Variants in DLG4 observed in about 807,000 individuals in gnomAD.
The protein encoded by DLG4 is disks large homolog 4.
DLG4 carries 7 observed loss-of-function variants against 93.8 expected under a neutral mutation model. That is an observed-to-expected ratio of 0.07 (90% confidence interval 0.04 to 0.14). DLG4 has a LOEUF of 0.14. DLG4 is among the 10% of genes least tolerant of loss of function. The pLI is 1.00. For synonymous variants in DLG4, 341 were observed against 387.6 expected, an observed-to-expected ratio of 0.88 and a Z score of 1.41; for missense variants, 545 against 992.9, an observed-to-expected ratio of 0.55 and a Z score of 6.06.
In DLG4 at chr17:7,208,379, C is replaced by T. The variant is rs189266522; in HGVS notation, c.31-140G>A. On this transcript the variant is annotated intron_variant, in intron 1 of 19. Coordinates refer to ENST00000399506, the MANE Select transcript of DLG4 (RefSeq NM_001321075.3). The surrounding 1 kb of genome is among the most constrained non-coding windows in gnomAD (Gnocchi z 5.4). ...CTGACCAGCTCCTCCCCCTCCCTCT[C>T]CTCTAGCCCATTGGCTCCCCTCTCT... 3.5e-3 allele frequency: 2,426 copies of T among 694,438 alleles called. 12 individuals are homozygous for T. Among genetic ancestry groups the T allele is most frequent in the Middle Eastern group, 9.0e-3 (19 of 2,118 alleles). The allele number at this position is 694,438 out of a possible 1,614,324, so 43.0% of individuals were successfully genotyped here. A position where few individuals can be genotyped will look rare whatever the true frequency, so the allele number is the denominator to read the frequency against.
chr17:7,190,739 T>A lies in DLG4; in HGVS notation c.2144A>T (p.Tyr715Phe). The change falls in exon 20 of 20, where the codon TAC (tyrosine) becomes TTC (phenylalanine). Residue 715 changes from tyrosine to phenylalanine, a missense_variant. This residue lies in a region of DLG4 where 428 missense variants were observed against 741.4 expected (regional missense o/e 0.58). Transcript: ENST00000399506. Reference sequence around the variant, plus strand: ...TCTCTCTCGGGCTGGAACCCAGATGTAGGGGCCTGAGAGGTCCTCGATGAC... The same window carrying A: ...TCTCTCTCGGGCTGGAACCCAGATGAAGGGGCCTGAGAGGTCCTCGATGAC... ...KRVIEDLSGPYIWVPARERL is the reference protein window; with the variant it reads ...KRVIEDLSGPFIWVPARERL The A allele has an allele frequency of 6.2e-7, 1 of 1,613,696 alleles. No homozygotes were observed. Among genetic ancestry groups the A allele is most frequent in the Non-Finnish European group, 8.5e-7 (1 of 1,179,732 alleles).
rs72837699 is a variant in DLG4 at position 7,208,931 on chromosome 17, C to G, written c.31-692G>C. Among the ~76,000 whole-genome samples, 7,938 of 152,072 alleles carry G rather than the reference C, an allele frequency of 0.052. 303 individuals are homozygous for G. Among genetic ancestry groups the G allele is most frequent in the Non-Finnish European group, 0.081 (5,527 of 67,968 alleles). On this transcript the variant is annotated intron_variant, in intron 1 of 19. Transcript: ENST00000399506. The surrounding 1 kb of genome is among the most constrained non-coding windows in gnomAD (Gnocchi z 5.4). ...TTCACTGCCCTTGCTGGTTTCCAAG[C>G]AGTCAACAGAGGGGCCCCGGGAGTC...
Position 7,196,421 on chromosome 17 carries a change from G to C in DLG4, c.1186+52C>G. 6.2e-7 allele frequency: 1 copy of C among 1,609,856 alleles called. No homozygotes were observed. Among genetic ancestry groups the C allele is most frequent in the South Asian group, 1.1e-5 (1 of 91,006 alleles). On this transcript the variant is annotated intron_variant, in intron 10 of 19. Coordinates refer to ENST00000399506, the MANE Select transcript of DLG4 (RefSeq NM_001321075.3). This position sits in a 1 kb window ranked among gnomAD's most constrained non-coding sequence, Gnocchi z 8.3. ...CCTACTGAAGCCATCAGCTGAGGAA[G>C]AGTTCTAAGGGCCATTTCAGCTCAC...
Position 7,193,847 on chromosome 17 carries a change from G to T in DLG4, c.1540C>A (p.Gln514Lys). 6.2e-7 allele frequency: 1 copy of T among 1,612,938 alleles called. No homozygotes were observed. Among genetic ancestry groups the T allele is most frequent in the East Asian group, 2.2e-5 (1 of 44,848 alleles). Residue 514 changes from glutamine to lysine, a missense_variant, in exon 14 of 20, where the codon CAG (glutamine) becomes AAG (lysine). Physicochemically the swap from Gln to Lys is moderately conservative, Grantham distance 53. Coordinates refer to ENST00000399506, the MANE Select transcript of DLG4 (RefSeq NM_001321075.3). The surrounding 1 kb of genome is among the most constrained non-coding windows in gnomAD (Gnocchi z 6.7). ...AKDWGSSSGS[Q>K]GREDSVLSYE... ...TTCCCGAACTAACCCTACCTACCCT[G>T]CGATCCAGAGCTGGAGCCCCAGTCC...
At chr17:7,213,400 C>T (rs1381927662) in intron 1 of DLG4, among the ~76,000 whole-genome samples, 1 of 151,958 alleles carries the variant, frequency 6.6e-6, no homozygotes, top group Non-Finnish European at 1.5e-5. Flanking sequence ...GCACCCGGCA[C>T]CTCCTCTCCT....
rs1467824312 is a variant in DLG4 at position 7,208,277 on chromosome 17, G to A, written c.31-38C>T. On this transcript the variant is annotated intron_variant, in intron 1 of 19. Transcript: ENST00000399506. The surrounding 1 kb of genome is among the most constrained non-coding windows in gnomAD (Gnocchi z 5.4). ...ACGGAGGTGTCACTGGGGCCAGCCC[G>A]GTGCCTCAGGCTCCAGGCTGGCCGC... 1.5e-5 allele frequency: 19 copies of A among 1,309,020 alleles called. No individual in the cohort carries two copies. Among genetic ancestry groups the A allele is most frequent in the Non-Finnish European group, 1.7e-5 (17 of 1,020,414 alleles). 81.1% of individuals were successfully genotyped at this position (1,309,020 alleles called of 1,614,324 possible). A position where few individuals can be genotyped will look rare whatever the true frequency, so the allele number is the denominator to read the frequency against.
chr17:7,196,281 T>G lies in DLG4; in HGVS notation c.1240A>C (p.Ser414Arg), dbSNP rs1377516640. ...IHDLREQLMN[S>R]SLGSGTASLR... Reference sequence around the variant, plus strand: ...GACGCAGTCCCTGAGCCCAGGCTGCTGTTCATGAGCTGTTCCCGAAGGTCG... The same window carrying G: ...GACGCAGTCCCTGAGCCCAGGCTGCGGTTCATGAGCTGTTCCCGAAGGTCG... The change falls in exon 11 of 20, where the codon AGC becomes CGC. Residue 414 changes from serine to arginine, a missense_variant. Transcript: ENST00000399506. This position sits in a 1 kb window ranked among gnomAD's most constrained non-coding sequence, Gnocchi z 8.3. 1 of 1,614,020 alleles carries G rather than the reference T, an allele frequency of 6.2e-7. No individual in the cohort carries two copies. Among genetic ancestry groups the G allele is most frequent in the Non-Finnish European group, 8.5e-7 (1 of 1,179,884 alleles).
At chr17:7,190,869 G>T in intron 19 of DLG4, 55 bp from the exon 20 acceptor site, 1 of 1,479,008 alleles carries the variant, frequency 6.8e-7, no homozygotes, top group Non-Finnish European at 9.4e-7. Flanking sequence ...AGGACACCTG[G>T]CCAAGGGGGT....
Position 7,213,095 on chromosome 17 carries a change from C to CTT in DLG4, c.30+4021_30+4022dup, listed in dbSNP as rs746009346. Among the ~76,000 whole-genome samples, 3 of 80,860 alleles carry CTT rather than the reference C, an allele frequency of 3.7e-5. 1 individual carries two copies. The highest frequency in any genetic ancestry group is 1.1e-3 in the South Asian group (2 of 1,880). 53.0% of individuals were successfully genotyped at this position (80,860 alleles called of 152,430 possible). A position where few individuals can be genotyped will look rare whatever the true frequency, so the allele number is the denominator to read the frequency against. On this transcript the variant is annotated intron_variant, in intron 1 of 19. Transcript: ENST00000399506. ...TTCCTTTTCTTTTCTTTCTTTCTTT[C>CTT]TTTTTTTTTTTTTTTTTTTTGAGAC...
At chr17:7,190,882 C>T in intron 19 of DLG4, 68 bp from the exon 20 acceptor site, 4 of 1,349,258 alleles carry the variant, frequency 3.0e-6, no homozygotes, top group Non-Finnish European at 4.2e-6. Flanking sequence ...AAGGGGGTTG[C>T]ACCAGCCCAG....
chr17:7,194,192 G>A lies in DLG4; in HGVS notation c.1478+127C>T. On this transcript the variant is annotated intron_variant, in intron 12 of 19. Transcript: ENST00000399506. This position sits in a 1 kb window ranked among gnomAD's most constrained non-coding sequence, Gnocchi z 4.4. ...GGCTCATGGGAGCCACGGACCCCAGGAGGGCCCAACAGACAAACCCCTAGG... is the reference window on the plus strand; with the variant it reads ...GGCTCATGGGAGCCACGGACCCCAGAAGGGCCCAACAGACAAACCCCTAGG... 1.5e-6 allele frequency: 2 copies of A among 1,373,824 alleles called. No individual in the cohort carries two copies. The highest frequency in any genetic ancestry group is 2.0e-6 in the Non-Finnish European group (2 of 1,017,306). 85.1% of individuals were successfully genotyped at this position (1,373,824 alleles called of 1,614,324 possible). A position where few individuals can be genotyped will look rare whatever the true frequency, so the allele number is the denominator to read the frequency against.
rs777158957 is a variant in DLG4, at chr17:7,208,282, C to G, written c.31-43G>C. ...GGTGTCACTGGGGCCAGCCCGGTGC[C>G]TCAGGCTCCAGGCTGGCCGCCCTGG... On this transcript the variant is annotated intron_variant, in intron 1 of 19. Transcript: ENST00000399506. The surrounding 1 kb of genome is among the most constrained non-coding windows in gnomAD (Gnocchi z 5.4). 7.6e-7 allele frequency: 1 copy of G among 1,309,062 alleles called. No homozygotes were observed. Among genetic ancestry groups the G allele is most frequent in the South Asian group, 3.2e-5 (1 of 31,542 alleles). 81.1% of individuals were successfully genotyped at this position (1,309,062 alleles called of 1,614,324 possible).
rs950991796 is a variant in DLG4 at position 7,203,860 on chromosome 17, A to G, written c.211-44T>C. Reference sequence around the variant, plus strand: ...GAGGGTCAGCTCCCCTCACTGCCCAAGTCTGGCAAGGCAAGTGGGGTGGGA... The same window carrying G: ...GAGGGTCAGCTCCCCTCACTGCCCAGGTCTGGCAAGGCAAGTGGGGTGGGA... On this transcript the variant is annotated intron_variant, in intron 4 of 19. Coordinates refer to ENST00000399506, the MANE Select transcript of DLG4 (RefSeq NM_001321075.3). The surrounding 1 kb of genome is among the most constrained non-coding windows in gnomAD (Gnocchi z 7.2). 2 of 1,608,696 alleles carry G rather than the reference A, an allele frequency of 1.2e-6. No homozygotes were observed. Among genetic ancestry groups the G allele is most frequent in the Admixed American group, 3.4e-5 (2 of 59,148 alleles).
rs1325456695 is a variant in DLG4, at chr17:7,188,645, T to A, written c.*2063A>T. Among the ~76,000 whole-genome samples, 1 of 152,170 alleles carries A rather than the reference T, an allele frequency of 6.6e-6. No homozygotes were observed. The highest frequency in any genetic ancestry group is 1.5e-5 in the Non-Finnish European group (1 of 68,014). On this transcript the variant is annotated 3_prime_UTR_variant, in exon 20 of 20. Coordinates refer to ENST00000399506, the MANE Select transcript of DLG4 (RefSeq NM_001321075.3). The stretch of plus-strand genomic sequence containing the variant: ...AACTAAAATTATTTCTCCCTTATAA[T>A]AAAGAAGTAGGTAATTGACAATTTC...
rs1197893886 is a variant in DLG4 at position 7,207,903 on chromosome 17, C to A, written c.96+271G>T. 3.3e-5 allele frequency among the ~76,000 whole-genome samples: 5 copies of A among 152,078 alleles called. No homozygotes were observed. The East Asian group carries it at 9.6e-4, about 29-fold the overall frequency. On this transcript the variant is annotated intron_variant, in intron 2 of 19. Coordinates refer to ENST00000399506, the MANE Select transcript of DLG4 (RefSeq NM_001321075.3). ...CTCTGTGGGACCAAGGTGTTTCCAG[C>A]CCCACAAACGCCCCCTCCCCCAGAC...
At chr17:7,204,339 C>A (rs2070340907) in intron 2 of DLG4, 87 bp from the exon 3 acceptor site, 9 of 1,336,116 alleles carry the variant, frequency 6.7e-6, no homozygotes, top group Non-Finnish European at 9.1e-6. Context: ...GCGTGGCTAC[C>A]CTTTCAGCCT....
In DLG4 at chr17:7,212,346, G is replaced by T. The variant is rs188155097; in HGVS notation, c.31-4107C>A. On this transcript the variant is annotated intron_variant, in intron 1 of 19. Coordinates refer to ENST00000399506, the MANE Select transcript of DLG4 (RefSeq NM_001321075.3). ...AGAGTTTAAGGAACCACAGAGCCTT[G>T]TTGGCCCCCCAAATTAATATATGCT... Among the ~76,000 whole-genome samples, 90 of 152,322 alleles carry T rather than the reference G, an allele frequency of 5.9e-4. 1 individual carries two copies. The highest frequency in any genetic ancestry group is 2.0e-3 in the African/African-American group (84 of 41,570).
At position 7,193,369 on chromosome 17, in the gene DLG4, G is replaced by A. The variant is rs968745010; in HGVS notation, c.1693+114C>T. ...AAGCACCCCTTCTCGGAGAAACCCT[G>A]TATCTCCCTACACACCGATCCCCCA... On this transcript the variant is annotated intron_variant, in intron 16 of 19. Coordinates refer to ENST00000399506, the MANE Select transcript of DLG4 (RefSeq NM_001321075.3). The surrounding 1 kb of genome is among the most constrained non-coding windows in gnomAD (Gnocchi z 6.7). The A allele has an allele frequency of 7.0e-6, 8 of 1,144,620 alleles. No individual in the cohort carries two copies. Among genetic ancestry groups the A allele is most frequent in the Non-Finnish European group, 9.7e-6 (8 of 824,956 alleles). 70.9% of individuals were successfully genotyped at this position (1,144,620 alleles called of 1,614,324 possible).
At chr17:7,210,529 AAGG>A in intron 1 of DLG4, among the ~76,000 whole-genome samples, 1 of 152,220 alleles carries the variant, frequency 6.6e-6, no homozygotes, top group Non-Finnish European at 1.5e-5. Context: ...GTCTTGAATA[AAGG>A]AGTTCTATGA....
Sources: allele counts gnomAD v4.1 joint callset (sites outside exome capture counted in the v4.1 genomes callset), GRCh38; gene constraint gnomAD v4.1.1; regional missense constraint gnomAD v4.1.1; non-coding constraint Gnocchi (gnomAD v3.1); transcripts MANE v1.5; gene names NCBI Gene and HGNC (gene_info 2026-07-23, HGNC 2026-07-21).